Variants in PCCA observed in about 807,000 individuals in gnomAD.
PCCA encodes propionyl-CoA carboxylase subunit alpha.
Under a neutral mutation model 101.3 loss-of-function variants are expected in PCCA, and 74 were observed. That is an observed-to-expected ratio of 0.73 (90% confidence interval 0.61 to 0.89). The LOEUF (loss-of-function observed/expected upper bound fraction) is 0.89, where lower values mean the gene tolerates loss of function less well. Among genes scored for constraint, PCCA ranks in the 40% least tolerant of loss-of-function variants. The pLI is 0.00. For missense variants in PCCA, 891 were observed against 907.0 expected (o/e 0.98, Z 0.23); for synonymous variants, 294 against 313.6 (o/e 0.94, Z 0.66).
chr13:100,440,143 C>A (rs1252569307), intron 20 of PCCA, among the ~76,000 whole-genome samples: 2 of 123,022 alleles, frequency 1.6e-5, no homozygotes, highest in East Asian at 2.9e-4. Flanking sequence ...TGTGAAATGA[C>A]TAGAGTATTA....
intron 19 of PCCA, among the ~76,000 whole-genome samples, chr13:100,402,725 G>A: frequency 6.6e-6 from 1 of 152,184 alleles, no homozygotes; most frequent in East Asian, 1.9e-4. Context: ...TGGTATGGGT[G>A]GGTGGTATTG....
At chr13:100,445,885 A>G (rs373533746) in intron 20 of PCCA, among the ~76,000 whole-genome samples, 1 of 152,364 alleles carries the variant, frequency 6.6e-6, no homozygotes, top group South Asian at 2.1e-4. Context: ...TGGGGATGCC[A>G]GTATCTCCTT....
At chr13:100,224,106 G>A (rs1026240096) in intron 7 of PCCA, among the ~76,000 whole-genome samples, 8 of 152,202 alleles carry the variant, frequency 5.3e-5, no homozygotes, top group Non-Finnish European at 1.0e-4. Context: ...AGGGGGCGGC[G>A]CACATCAGGG....
At chr13:100,408,449 C>T (rs1340340443) in intron 19 of PCCA, among the ~76,000 whole-genome samples, 8 of 152,194 alleles carry the variant, frequency 5.3e-5, no homozygotes, top group African/African-American at 1.7e-4. Context: ...GTCACGTGAA[C>T]TGAAAGGTAT....
At chr13:100,370,078 T>TTTA (rs1334491426) in intron 19 of PCCA, among the ~76,000 whole-genome samples, 1 of 127,326 alleles carries the variant, frequency 7.9e-6, no homozygotes, top group Non-Finnish European at 1.7e-5. Context: ...TTACTTCTTT[T>TTTA]TTTTTTTTTT....
At chr13:100,091,353 T>C (rs1373922871) in intron 1 of PCCA, among the ~76,000 whole-genome samples, 1 of 152,246 alleles carries the variant, frequency 6.6e-6, no homozygotes. Flanking sequence ...TTTTAATGTG[T>C]TGGCAGAGAC....
At chr13:100,108,504 A>ACCATGCATTTC (rs2048017943) in intron 2 of PCCA, among the ~76,000 whole-genome samples, 1 of 152,138 alleles carries the variant, frequency 6.6e-6, no homozygotes, top group Non-Finnish European at 1.5e-5. Context: ...TCCTAAGCAT[A>ACCATGCATTTC]CCATGCGCTT....
At position 100,526,204 on chromosome 13, in the gene PCCA, G is replaced by A. The variant is rs542587781; in HGVS notation, c.2041-1471G>A. Among the ~76,000 whole-genome samples the A allele has an allele frequency of 1.5e-4, 23 of 152,324 alleles. No homozygotes were observed. The South Asian group carries it at 1.9e-3, about 12-fold the overall frequency. ...GACTGTTCTGACACCCCTGATGGGG[G>A]CCTCTGCATTGTCTCTGCGCTGCCC... On this transcript the variant is annotated intron_variant, in intron 22 of 23. Coordinates refer to ENST00000376285, the MANE Select transcript of PCCA (RefSeq NM_000282.4).
At chr13:100,307,095 T>G in intron 14 of PCCA, 97 bp from the exon 15 acceptor site, 1 of 792,940 alleles carries the variant, frequency 1.3e-6, no homozygotes, top group Admixed American at 2.1e-5. Context: ...GAGATTGAAA[T>G]TCTCTATCCA....
At chr13:100,327,821 A>T (rs2068865908) in intron 16 of PCCA, among the ~76,000 whole-genome samples, 1 of 152,138 alleles carries the variant, frequency 6.6e-6, no homozygotes, top group African/African-American at 2.4e-5. Flanking sequence ...AATTTTTCCT[A>T]TGCTTAGTGG....
At position 100,504,107 on chromosome 13, in the gene PCCA, A is replaced by C. The variant is rs149481456; in HGVS notation, c.1900-11320A>C. 1.2e-3 allele frequency among the ~76,000 whole-genome samples: 177 copies of C among 152,266 alleles called. 1 individual carries two copies. The highest frequency in any genetic ancestry group is 4.0e-3 in the African/African-American group (166 of 41,572). The stretch of plus-strand genomic sequence containing the variant: ...CTTTACCATTGGACTTGTTACAATA[A>C]GCCTATAACTATTTTTAACTCCATA... On this transcript the variant is annotated intron_variant, in intron 21 of 23. Transcript: ENST00000376285.
chr13:100,159,717 C>G (rs556951072), intron 6 of PCCA, among the ~76,000 whole-genome samples: 1 of 152,244 alleles, frequency 6.6e-6, no homozygotes, highest in East Asian at 1.9e-4. Flanking sequence ...CCCCATTTCC[C>G]TTTTATCAGT....
chr13:100,340,163 T>G lies in PCCA; in HGVS notation c.1547T>G (p.Met516Arg). The G allele has an allele frequency of 6.4e-7, 1 of 1,574,384 alleles. No homozygotes were observed. Among genetic ancestry groups the G allele is most frequent in the Non-Finnish European group, 8.7e-7 (1 of 1,143,660 alleles). Residue 516 changes from methionine (M) to arginine (R), a missense_variant, in exon 18 of 24, where the codon ATG (methionine) becomes AGG (arginine). Met to Arg is a moderately conservative substitution (Grantham distance 91). Transcript: ENST00000376285. ...GTTGATTGATTTCCCTCAGGACACA[T>G]GCTAACCAAGAGTGAGAAGAACCAG... ...DVYPDGFKGH[M>R]LTKSEKNQLL... is the part of the protein sequence containing the mutation.
chr13:100,452,060 T>G (rs1370164702), intron 21 of PCCA, among the ~76,000 whole-genome samples: 1 of 90,898 alleles, frequency 1.1e-5, no homozygotes, highest in Non-Finnish European at 2.3e-5. Flanking sequence ...CTCTCTCCTC[T>G]TCCTCCTCTC....
chr13:100,108,155 G>A (rs2047983876), intron 2 of PCCA, among the ~76,000 whole-genome samples: 1 of 152,148 alleles, frequency 6.6e-6, no homozygotes, highest in Admixed American at 6.5e-5. Flanking sequence ...TAAACCTAGG[G>A]AAGGGAAAGG....
chr13:100,222,882 A>T (rs1215179254), intron 7 of PCCA, among the ~76,000 whole-genome samples: 1 of 152,190 alleles, frequency 6.6e-6, no homozygotes, highest in Non-Finnish European at 1.5e-5. Flanking sequence ...ACATGGAGAC[A>T]GTTTACCCAT....
intron 21 of PCCA, among the ~76,000 whole-genome samples, chr13:100,475,358 A>G (rs2083338083): frequency 6.6e-6 from 1 of 152,034 alleles, no homozygotes; most frequent in South Asian, 2.1e-4. Flanking sequence ...GTAGCCACTG[A>G]TCTACTTTCT....
chr13:100,220,798 A>G (rs2059774525), intron 7 of PCCA, among the ~76,000 whole-genome samples: 1 of 152,244 alleles, frequency 6.6e-6, no homozygotes, highest in Admixed American at 6.5e-5. Context: ...GAGAGACCAC[A>G]GACTTAGTCT....
chr13:100,433,503 G>GT (rs796101301), intron 20 of PCCA, among the ~76,000 whole-genome samples: 65 of 146,272 alleles, frequency 4.4e-4, no homozygotes, highest in South Asian at 1.5e-3. Flanking sequence ...TCTTAGAGCT[G>GT]TTTTTTTTTT....
Sources: gnomAD v4.1 joint callset for allele counts (sites outside exome capture counted in the v4.1 genomes callset) on GRCh38, gnomAD v4.1.1 for gene constraint, MANE v1.5 for transcripts, NCBI Gene and HGNC (gene_info 2026-07-23, HGNC 2026-07-21) for gene names.